The following WASL variants were observed in gnomAD, a reference collection of about 807,000 sequenced individuals.
WASL encodes WASP like actin nucleation promoting factor.
WASL carries 20 observed loss-of-function variants against 55.5 expected under a neutral mutation model. The observed-to-expected ratio is 0.36, with a 90% CI of 0.25 to 0.52. The LOEUF (loss-of-function observed/expected upper bound fraction) is 0.52, where lower values mean the gene tolerates loss of function less well. Ranked by LOEUF, WASL falls within the 20% of genes least tolerant of loss-of-function variation. WASL has a pLI of 0.92. For missense variants in WASL, 504 were observed against 622.5 expected (o/e 0.81, Z 2.03); for synonymous variants, 249 against 217.6 (o/e 1.14, Z -1.27).
intron 4 of WASL, among the ~76,000 whole-genome samples, 174 bp from the exon 5 acceptor site, chr7:123,704,831 A>G (rs1803643029): frequency 1.3e-5 from 2 of 152,184 alleles, no homozygotes; most frequent in Non-Finnish European, 2.9e-5. Flanking sequence ...GTAAGGGAAC[A>G]ATACATTCAA....
chr7:123,687,917 T>G (rs1054966313), intron 10 of WASL, among the ~76,000 whole-genome samples: 11 of 152,156 alleles, frequency 7.2e-5, no homozygotes, highest in Non-Finnish European at 1.5e-4. Context: ...AAGGTAACAT[T>G]TATTAAGCAC....
intron 1 of WASL, among the ~76,000 whole-genome samples, chr7:123,740,673 G>A (rs1804325424): frequency 6.6e-6 from 1 of 151,866 alleles, no homozygotes; most frequent in African/African-American, 2.4e-5. Flanking sequence ...ATGGCTTACT[G>A]CATCCTTGAA....
chr7:123,705,428 C>G (rs1331873067), intron 4 of WASL, among the ~76,000 whole-genome samples: 1 of 152,146 alleles, frequency 6.6e-6, no homozygotes, highest in Non-Finnish European at 1.5e-5. Context: ...GGCTATTCTG[C>G]CACTTGAGTA....
intron 4 of WASL, among the ~76,000 whole-genome samples, chr7:123,705,440 A>C (rs1169631853): frequency 6.6e-6 from 1 of 152,212 alleles, no homozygotes; most frequent in South Asian, 2.1e-4. Context: ...ACTTGAGTAG[A>C]CAGAGTCTGA....
intron 1 of WASL, among the ~76,000 whole-genome samples, chr7:123,746,622 G>T (rs1217173776): frequency 6.6e-6 from 1 of 152,158 alleles, no homozygotes; most frequent in Non-Finnish European, 1.5e-5. Context: ...CTGAAAGTGT[G>T]GTTTTTAAAT....
At chr7:123,738,077 T>C (rs752743445) in intron 1 of WASL, among the ~76,000 whole-genome samples, 4 of 152,188 alleles carry the variant, frequency 2.6e-5, no homozygotes, top group Non-Finnish European at 5.9e-5. Context: ...TGAAAAGATA[T>C]TCAATTTCAC....
chr7:123,710,667 A>G (rs551299736), intron 1 of WASL, among the ~76,000 whole-genome samples: 1 of 152,336 alleles, frequency 6.6e-6, no homozygotes, highest in East Asian at 1.9e-4. Flanking sequence ...CTTCACATAC[A>G]GTACTGAGTA....
At chr7:123,694,920 CAT>C in intron 7 of WASL, 52 bp from the exon 8 acceptor site, 1 of 1,551,378 alleles carries the variant, frequency 6.4e-7, no homozygotes, top group Non-Finnish European at 8.7e-7. Context: ...ATTTAAAAAA[CAT>C]AATTTTAAGT....
intron 1 of WASL, among the ~76,000 whole-genome samples, chr7:123,744,965 A>T (rs1804408352): frequency 6.6e-6 from 1 of 152,210 alleles, no homozygotes; most frequent in South Asian, 2.1e-4. Context: ...CCACAAAATG[A>T]ATTTTTAGAA....
chr7:123,690,286 C>A (rs981625823), intron 9 of WASL, among the ~76,000 whole-genome samples: 2 of 152,252 alleles, frequency 1.3e-5, no homozygotes, highest in Non-Finnish European at 2.9e-5. Context: ...ATTTGAGGTA[C>A]TAAAACCATG....
At position 123,682,841 on chromosome 7, in the gene WASL, G is replaced by C. The variant is rs1367952923; in HGVS notation, c.*1678C>G. On this transcript the variant is annotated 3_prime_UTR_variant, in exon 11 of 11. Coordinates refer to ENST00000223023, the MANE Select transcript of WASL (RefSeq NM_003941.4). ...TCTAGCAGCAGAGGGCACTGTTGTT[G>C]CAAGAAACAAAAAGTCTAGAATCTT... 6.6e-6 allele frequency: 1 copy of C among 152,048 alleles called. No homozygotes were observed. Among genetic ancestry groups the C allele is most frequent in the Admixed American group, 6.6e-5 (1 of 15,248 alleles). The allele number at this position is 152,048 out of a possible 1,614,324, so 9.4% of individuals were successfully genotyped here.
At chr7:123,743,614 TCCTC>T (rs1342522526) in intron 1 of WASL, among the ~76,000 whole-genome samples, 1 of 152,104 alleles carries the variant, frequency 6.6e-6, no homozygotes, top group African/African-American at 2.4e-5. Context: ...TTACTCTAAA[TCCTC>T]CCTGCCAGTA....
chr7:123,693,512 C>T (rs1016658419), intron 8 of WASL, among the ~76,000 whole-genome samples: 6 of 152,196 alleles, frequency 3.9e-5, no homozygotes, highest in Non-Finnish European at 8.8e-5. Flanking sequence ...TGTTGAAATG[C>T]TCAATTACTT....
chr7:123,743,101 T>G (rs929651212), intron 1 of WASL, among the ~76,000 whole-genome samples: 1 of 151,756 alleles, frequency 6.6e-6, no homozygotes, highest in Admixed American at 6.6e-5. Flanking sequence ...CTTTGGGAGG[T>G]TGAAGCGGAC....
At chr7:123,731,045 ATAAAT>A (rs2116815541) in intron 1 of WASL, among the ~76,000 whole-genome samples, 1 of 152,310 alleles carries the variant, frequency 6.6e-6, no homozygotes, top group African/African-American at 2.4e-5. Flanking sequence ...AAACACACAG[ATAAAT>A]TAAAAGCAAA....
chr7:123,729,046 A>G (rs181555455), intron 1 of WASL, among the ~76,000 whole-genome samples: 49 of 152,316 alleles, frequency 3.2e-4, no homozygotes, highest in African/African-American at 1.0e-3. Context: ...TAAGGTTTAT[A>G]GATGATTTGC....
chr7:123,700,140 C>CACT (rs1803556838), intron 5 of WASL, among the ~76,000 whole-genome samples: 1 of 120,318 alleles, frequency 8.3e-6, no homozygotes, highest in Admixed American at 1.1e-4. Flanking sequence ...AGCGCCACTG[C>CACT]ACTCCAGCCT....
chr7:123,715,474 G>T (rs1005840554), intron 1 of WASL, among the ~76,000 whole-genome samples: 4 of 152,160 alleles, frequency 2.6e-5, no homozygotes, highest in African/African-American at 9.7e-5. Flanking sequence ...TGGTTTGTTT[G>T]CAACAACAGA....
chr7:123,701,327 G>A (rs1338578406), intron 5 of WASL, among the ~76,000 whole-genome samples: 1 of 152,144 alleles, frequency 6.6e-6, no homozygotes, highest in Non-Finnish European at 1.5e-5. Context: ...AAATGTTCTT[G>A]TGAACAGACA....
Sources: gnomAD v4.1 joint callset for allele counts (sites outside exome capture counted in the v4.1 genomes callset) on GRCh38, gnomAD v4.1.1 for gene constraint, MANE v1.5 for transcripts, NCBI Gene and HGNC (gene_info 2026-07-23, HGNC 2026-07-21) for gene names.